IL1RAPL1: variants seen among roughly 807,000 people sequenced by gnomAD.
IL1RAPL1 encodes interleukin 1 receptor accessory protein like 1.
Under a neutral mutation model 48.4 loss-of-function variants are expected in IL1RAPL1, and 3 were observed. The ratio of observed to expected loss-of-function variants is 0.06; its 90% CI spans 0.03 to 0.16. IL1RAPL1 has a LOEUF of 0.16. Ranked by LOEUF, IL1RAPL1 falls within the 10% of genes least tolerant of loss-of-function variation. The pLI is 1.00. For synonymous variants in IL1RAPL1, 185 were observed against 187.7 expected (o/e 0.99, Z 0.12); for missense variants, 349 against 530.6 (o/e 0.66, Z 3.36).
chrX:28,817,925 T>C (rs1050574837), intron 2 of IL1RAPL1, among the ~76,000 whole-genome samples: 1 of 111,095 alleles, frequency 9.0e-6, no homozygotes, highest in Non-Finnish European at 1.9e-5. Context: ...GTCCACCTGG[T>C]AAATGGTGAC....
At chrX:29,590,438 A>G (rs1160280510) in intron 5 of IL1RAPL1, among the ~76,000 whole-genome samples, 3 of 111,880 alleles carry the variant, frequency 2.7e-5, no homozygotes, top group Non-Finnish European at 3.8e-5. Context: ...TCCCAAGGGC[A>G]GGTATTTTCC....
At chrX:29,179,433 T>C (rs1930098771) in intron 2 of IL1RAPL1, among the ~76,000 whole-genome samples, 1 of 112,119 alleles carries the variant, frequency 8.9e-6, no homozygotes, top group African/African-American at 3.2e-5. Flanking sequence ...TATTTGTGTA[T>C]TCTAGGATAG....
intron 5 of IL1RAPL1, among the ~76,000 whole-genome samples, chrX:29,565,954 GTT>G (rs1185874270): frequency 1.9e-5 from 2 of 104,336 alleles, no homozygotes; most frequent in Non-Finnish European, 2.0e-5. Flanking sequence ...TTTTGTTGTT[GTT>G]TTTTTTTTTT....
chrX:28,736,160 G>A (rs764792267), intron 1 of IL1RAPL1, among the ~76,000 whole-genome samples: 63 of 111,296 alleles, frequency 5.7e-4, no homozygotes, highest in Middle Eastern at 9.3e-3. Context: ...CAGGCTGGGC[G>A]TGGTGGCTCA....
chrX:29,483,850 C>T (rs1935067229), intron 5 of IL1RAPL1, among the ~76,000 whole-genome samples: 1 of 109,930 alleles, frequency 9.1e-6, no homozygotes, highest in African/African-American at 3.3e-5. Flanking sequence ...CGCCACCATA[C>T]GTGGCTGATT....
At chrX:29,173,297 G>T (rs1353051730) in intron 2 of IL1RAPL1, among the ~76,000 whole-genome samples, 1 of 112,032 alleles carries the variant, frequency 8.9e-6, no homozygotes, top group East Asian at 2.8e-4. Flanking sequence ...GTATTATCAA[G>T]AAAGCTGTTT....
intron 1 of IL1RAPL1, among the ~76,000 whole-genome samples, chrX:28,620,665 A>T (rs1291056634): frequency 8.9e-6 from 1 of 111,937 alleles, no homozygotes; most frequent in African/African-American, 3.2e-5. Context: ...TTTGGTTTGT[A>T]TTCATAGAGG....
intron 5 of IL1RAPL1, among the ~76,000 whole-genome samples, chrX:29,634,649 G>T (rs1217229945): frequency 9.0e-6 from 1 of 111,078 alleles, no homozygotes; most frequent in Non-Finnish European, 1.9e-5. Context: ...GTGGCAGGGG[G>T]TGTCTCCAAA....
chrX:28,846,799 A>G (rs946556733), intron 2 of IL1RAPL1, among the ~76,000 whole-genome samples: 4 of 112,073 alleles, frequency 3.6e-5, no homozygotes, highest in South Asian at 3.7e-4. Flanking sequence ...AAGACCATCT[A>G]TGGAATGCTT....
chrX:29,766,432 T>A (rs1302475170), intron 6 of IL1RAPL1, among the ~76,000 whole-genome samples: 1 of 93,246 alleles, frequency 1.1e-5, no homozygotes, highest in Admixed American at 1.3e-4. Flanking sequence ...TATATCCAAA[T>A]ATATATATAT....
chrX:28,950,871 C>A (rs1379562834), intron 2 of IL1RAPL1, among the ~76,000 whole-genome samples: 1 of 109,312 alleles, frequency 9.1e-6, no homozygotes. Context: ...TGGAACCAAC[C>A]CACATGTCCA....
intron 3 of IL1RAPL1, among the ~76,000 whole-genome samples, chrX:29,311,645 G>C (rs766780176): frequency 1.8e-5 from 2 of 111,779 alleles, no homozygotes; most frequent in Non-Finnish European, 3.8e-5. Context: ...GCCATATGTT[G>C]CTAGTGGCTA....
intron 2 of IL1RAPL1, among the ~76,000 whole-genome samples, chrX:28,965,026 T>TAC (rs1476965028): frequency 5.4e-5 from 6 of 111,147 alleles, no homozygotes; most frequent in African/African-American, 2.0e-4. Flanking sequence ...AAGAATGTTA[T>TAC]ACACACACAC....
chrX:29,275,524 C>T (rs1489804362), intron 2 of IL1RAPL1, among the ~76,000 whole-genome samples: 7 of 112,070 alleles, frequency 6.2e-5, no homozygotes, highest in East Asian at 2.8e-4. Context: ...AGGTTTTGAA[C>T]GAAGCACATT....
chrX:29,662,213 A>G lies in IL1RAPL1; in HGVS notation c.704-6217A>G, dbSNP rs183445327. Among the ~76,000 whole-genome samples the G allele has an allele frequency of 1.1e-3, 122 of 111,402 alleles. 1 individual carries two copies. Among genetic ancestry groups the G allele is most frequent in the African/African-American group, 3.9e-3 (119 of 30,639 alleles). ...TGGCATTCTTTGCCCTCTCTTAAGC[A>G]TGCCAAGTATACTCCATCTCAGCAC... On this transcript the variant is annotated intron_variant, in intron 5 of 10. Transcript: ENST00000378993.
chrX:28,998,376 A>G (rs1220389762), intron 2 of IL1RAPL1, among the ~76,000 whole-genome samples: 1 of 111,580 alleles, frequency 9.0e-6, no homozygotes, highest in Admixed American at 9.6e-5. Context: ...GTCATTTGAC[A>G]GCTACAATTC....
intron 5 of IL1RAPL1, among the ~76,000 whole-genome samples, chrX:29,591,959 C>T (rs1424982164): frequency 5.4e-5 from 6 of 111,824 alleles, no homozygotes; most frequent in Non-Finnish European, 9.4e-5. Flanking sequence ...AGCCTCTGGC[C>T]AGCTGTCTAT....
chrX:29,185,942 G>C (rs1278241893), intron 2 of IL1RAPL1, among the ~76,000 whole-genome samples: 3 of 111,334 alleles, frequency 2.7e-5, no homozygotes, highest in African/African-American at 9.8e-5. Flanking sequence ...AAATGACTAA[G>C]AAGAAGGAGG....
At chrX:29,424,613 C>G (rs1342095458) in intron 5 of IL1RAPL1, among the ~76,000 whole-genome samples, 1 of 111,560 alleles carries the variant, frequency 9.0e-6, no homozygotes, top group African/African-American at 3.3e-5. Context: ...TTGTATGGCC[C>G]TGTCATAGGC....
Sources: gnomAD v4.1 joint callset for allele counts (sites outside exome capture counted in the v4.1 genomes callset) on GRCh38, gnomAD v4.1.1 for gene constraint, MANE v1.5 for transcripts, NCBI Gene and HGNC (gene_info 2026-07-23, HGNC 2026-07-21) for gene names.